DUSP4: variants seen among roughly 807,000 people sequenced by gnomAD.
DUSP4 encodes the protein dual specificity phosphatase 4.
DUSP4 carries 12 observed loss-of-function variants against 27.2 expected under a neutral mutation model. The observed-to-expected ratio is 0.44, with a 90% CI of 0.28 to 0.71. The LOEUF is 0.71. DUSP4 is among the 30% of genes least tolerant of loss of function. The pLI is 0.14. For synonymous variants in DUSP4, 257 were observed against 245.2 expected, an observed-to-expected ratio of 1.05 and a Z score of -0.45; for missense variants, 448 against 551.3, an observed-to-expected ratio of 0.81 and a Z score of 1.88.
rs1039993410 is a variant in DUSP4 at position 29,335,350 on chromosome 8, A to C, written c.*1676T>G. 3 of 152,220 alleles carry C rather than the reference A, an allele frequency of 2.0e-5. No individual in the cohort carries two copies. The highest frequency in any genetic ancestry group is 7.2e-5 in the African/African-American group (3 of 41,454). 9.4% of individuals were successfully genotyped at this position (152,220 alleles called of 1,614,324 possible). ...CGCCTGCGTGCCCATGACGCACGTC[A>C]CGGGAGCCAGCGGCCAGCCCCCTCA... is the stretch of plus-strand genomic sequence containing the variant. On this transcript the variant is annotated 3_prime_UTR_variant, in exon 4 of 4. Coordinates refer to ENST00000240100, the MANE Select transcript of DUSP4 (RefSeq NM_001394.7).
At chr8:29,345,306 G>A (rs1817714738) in intron 1 of DUSP4, 1 of 1,578,130 alleles carries the variant, frequency 6.3e-7, no homozygotes, top group Non-Finnish European at 8.7e-7. Context: ...TGTGACTGTT[G>A]ACTTAGTAAG....
chr8:29,342,415 G>A (rs2117271021), intron 1 of DUSP4, among the ~76,000 whole-genome samples: 1 of 152,242 alleles, frequency 6.6e-6, no homozygotes, highest in South Asian at 2.1e-4. Flanking sequence ...CTGGCATCAG[G>A]GAGACAGATC....
At chr8:29,338,090 T>C (rs1264220816) in intron 3 of DUSP4, among the ~76,000 whole-genome samples, 192 bp downstream of exon 3, 1 of 152,168 alleles carries the variant, frequency 6.6e-6, no homozygotes. Flanking sequence ...GCTAAGCCTG[T>C]GTGTAGGTCC....
chr8:29,348,203 G>A, intron 1 of DUSP4: 1 of 985,630 alleles, frequency 1.0e-6, no homozygotes, highest in South Asian at 4.7e-5. Context: ...GGGGGGACTC[G>A]AGGGCAGCGC....
chr8:29,336,936 C>T lies in DUSP4; in HGVS notation c.*90G>A, dbSNP rs545598619. On this transcript the variant is annotated 3_prime_UTR_variant, in exon 4 of 4. Coordinates refer to ENST00000240100, the MANE Select transcript of DUSP4 (RefSeq NM_001394.7). ...GGGGAAGGAGCTCGGTCGCCTGCTCCCAGCTGCTCAGTCCCAACTTTCTGC... is the reference window on the plus strand; with the variant it reads ...GGGGAAGGAGCTCGGTCGCCTGCTCTCAGCTGCTCAGTCCCAACTTTCTGC... The T allele has an allele frequency of 2.2e-4, 322 of 1,439,230 alleles. 2 individuals carry two copies. In the East Asian group the frequency reaches 8.0e-3, roughly 36 times the overall value. The allele number at this position is 1,439,230 out of a possible 1,614,324, so 89.2% of individuals were successfully genotyped here. A position where few individuals can be genotyped will look rare whatever the true frequency, so the allele number is the denominator to read the frequency against.
chr8:29,340,951 T>C (rs551411933), intron 1 of DUSP4, among the ~76,000 whole-genome samples: 74 of 152,046 alleles, frequency 4.9e-4, no homozygotes, highest in African/African-American at 1.4e-3. Flanking sequence ...AAGATGATGA[T>C]AAATGGCCAG....
chr8:29,346,232 C>A (rs1030189727), intron 1 of DUSP4, among the ~76,000 whole-genome samples: 2 of 152,088 alleles, frequency 1.3e-5, no homozygotes, highest in Non-Finnish European at 2.9e-5. Flanking sequence ...TGGATGCTAT[C>A]CGGTACTATA....
At position 29,350,165 on chromosome 8, in the gene DUSP4, C is replaced by T. The variant is rs1817801574; in HGVS notation, c.114G>A (p.Gly38=). ...AGGSGSHGTL[G]LPSGGKCLLL... Reference sequence around the variant, plus strand: ...GCAGGCACTTGCCGCCGCTCGGCAGCCCCAGGGTGCCGTGGCTGCCGCTGC... The same window carrying T: ...GCAGGCACTTGCCGCCGCTCGGCAGTCCCAGGGTGCCGTGGCTGCCGCTGC... The change falls in exon 1 of 4, where the codon GGG becomes GGA. Residue 38 remains glycine (G), a synonymous_variant. Transcript: ENST00000240100. 2.5e-6 allele frequency: 4 copies of T among 1,608,812 alleles called. No individual in the cohort carries two copies. The highest frequency in any genetic ancestry group is 3.4e-6 in the Non-Finnish European group (4 of 1,178,696).
intron 1 of DUSP4, among the ~76,000 whole-genome samples, chr8:29,340,843 G>A (rs1020655506): frequency 6.6e-6 from 1 of 152,170 alleles, no homozygotes; most frequent in South Asian, 2.1e-4. Flanking sequence ...ACAGGTTTGG[G>A]GCAAGGGAGT....
At position 29,350,368 on chromosome 8, in the gene DUSP4, G is replaced by A. The variant is rs998026047; in HGVS notation, c.-90C>T. 2.8e-6 allele frequency: 4 copies of A among 1,438,896 alleles called. No homozygotes were observed. The African/African-American group carries it at 5.7e-5, about 21-fold the overall frequency. The allele number at this position is 1,438,896 out of a possible 1,614,324, so 89.1% of individuals were successfully genotyped here. ...GCAGAAAGGGGCGGGCGAGAGCTAA[G>A]AAGGGACGCCTGCAGAAGTGGCCGC... On this transcript the variant is annotated 5_prime_UTR_variant, in exon 1 of 4. Transcript: ENST00000240100.
At chr8:29,342,332 C>G (rs576747494) in intron 1 of DUSP4, among the ~76,000 whole-genome samples, 1 of 152,208 alleles carries the variant, frequency 6.6e-6, no homozygotes, top group Non-Finnish European at 1.5e-5. Context: ...GGAGCCTCCT[C>G]CTCGTCTGTA....
At chr8:29,343,447 T>C (rs1382717193) in intron 1 of DUSP4, among the ~76,000 whole-genome samples, 1 of 152,112 alleles carries the variant, frequency 6.6e-6, no homozygotes, top group African/African-American at 2.4e-5. Flanking sequence ...TATCCATCGG[T>C]GGAAGAAGCT....
intron 1 of DUSP4, chr8:29,347,676 C>CCGCGT (rs1406193188): frequency 1.1e-6 from 1 of 892,152 alleles, no homozygotes; most frequent in Non-Finnish European, 1.3e-6. Flanking sequence ...TTCTCCCTGC[C>CCGCGT]CGCGTCGGGG....
chr8:29,348,868 A>AGGCGGAGGCGCAGCGCGGCGGGG lies in DUSP4; in HGVS notation c.433+955_433+977dup, dbSNP rs1185310495. ...AGAATGCGCGGAATGCGGCGGCGGG[A>AGGCGGAGGCGCAGCGCGGCGGGG]GGCGGAGGCGCAGCGCGGCGGGGGG... On this transcript the variant is annotated intron_variant, in intron 1 of 3. Coordinates refer to ENST00000240100, the MANE Select transcript of DUSP4 (RefSeq NM_001394.7). 1.3e-5 allele frequency: 12 copies of AGGCGGAGGCGCAGCGCGGCGGGG among 893,052 alleles called. No individual in the cohort carries two copies. The Admixed American group carries it at 3.7e-4, about 28-fold the overall frequency. The allele number at this position is 893,052 out of a possible 1,614,324, so 55.3% of individuals were successfully genotyped here.
rs184771202 is a variant in DUSP4, at chr8:29,336,534, G to A, written c.*492C>T. The A allele has an allele frequency of 5.0e-4, 76 of 152,894 alleles. No individual in the cohort carries two copies. The highest frequency in any genetic ancestry group is 8.6e-4 in the Non-Finnish European group (59 of 68,528). 9.5% of individuals were successfully genotyped at this position (152,894 alleles called of 1,614,324 possible). On this transcript the variant is annotated 3_prime_UTR_variant, in exon 4 of 4. Coordinates refer to ENST00000240100, the MANE Select transcript of DUSP4 (RefSeq NM_001394.7). ...ACTGAGAAATGAAAACCACACCTTC[G>A]AAGATTTCTTTTAAAAAATGAAATT...
At position 29,350,026 on chromosome 8, in the gene DUSP4, G is replaced by A; in HGVS notation, c.253C>T (p.Gln85Ter). Residue 85 changes from glutamine to a stop codon, truncating the protein, a stop_gained, in exon 1 of 4, where the codon CAG (glutamine) becomes TAG (stop). Transcript: ENST00000240100. LOFTEE classifies it high-confidence loss of function. ...RRAKGSVSLEQILPAEEEVRA... is the reference protein window; with the variant it reads ...RRAKGSVSLE ...ACCTCCTCCTCGGCGGGCAGGATCTGCTCCAGGCTCACGGAGCCCTTAGCC... is the reference window on the plus strand; with the variant it reads ...ACCTCCTCCTCGGCGGGCAGGATCTACTCCAGGCTCACGGAGCCCTTAGCC... The A allele has an allele frequency of 6.3e-7, 1 of 1,594,824 alleles. No individual in the cohort carries two copies. The highest frequency in any genetic ancestry group is 8.5e-7 in the Non-Finnish European group (1 of 1,172,596).
chr8:29,336,791 C>G lies in DUSP4; in HGVS notation c.*235G>C. 1.9e-6 allele frequency: 1 copy of G among 524,412 alleles called. No individual in the cohort carries two copies. The highest frequency in any genetic ancestry group is 3.2e-6 in the Non-Finnish European group (1 of 316,000). The allele number at this position is 524,412 out of a possible 1,614,324, so 32.5% of individuals were successfully genotyped here. On this transcript the variant is annotated 3_prime_UTR_variant, in exon 4 of 4. Transcript: ENST00000240100. The stretch of plus-strand genomic sequence containing the variant: ...GACACATAAACCAAACCAAGGTCTT[C>G]CCTGGCTGCTGCGGCAGCCGTTATT...
At chr8:29,341,844 C>T (rs1015042526) in intron 1 of DUSP4, among the ~76,000 whole-genome samples, 1 of 152,236 alleles carries the variant, frequency 6.6e-6, no homozygotes, top group Non-Finnish European at 1.5e-5. Context: ...TCCATGCTCC[C>T]TTTCGGAGAA....
chr8:29,338,167 T>C (rs1817605196), intron 3 of DUSP4, 115 bp downstream of exon 3: 1 of 1,059,158 alleles, frequency 9.4e-7, no homozygotes, highest in Non-Finnish European at 1.4e-6. Flanking sequence ...AGAGGGGGAA[T>C]GGGGACCCTT....
Sources: allele counts gnomAD v4.1 joint callset (sites outside exome capture counted in the v4.1 genomes callset), GRCh38; gene constraint gnomAD v4.1.1; transcripts MANE v1.5; gene names NCBI Gene and HGNC (gene_info 2026-07-23, HGNC 2026-07-21).